Variants in GRHL3 observed in about 807,000 individuals in gnomAD.
GRHL3 encodes the protein grainyhead-like protein 3 homolog.
In GRHL3, 20 loss-of-function variants were observed where a neutral mutation model predicts 70.3. The ratio of observed to expected loss-of-function variants is 0.28; its 90% confidence interval spans 0.20 to 0.41. GRHL3 has a LOEUF of 0.41. Ranked by LOEUF, GRHL3 falls within the 10% of genes least tolerant of loss-of-function variation. The pLI is 1.00. For missense variants in GRHL3, 637 were observed against 762.3 expected (o/e 0.84, Z 1.94); for synonymous variants, 299 against 299.9 (o/e 1.00, Z 0.03).
In GRHL3 at chr1:24,337,793, C is replaced by T. The variant is rs188340638; in HGVS notation, c.840+4C>T. On this transcript the variant is annotated splice_donor_region_variant and intron_variant, in intron 6 of 15. Coordinates refer to ENST00000361548, the MANE Select transcript of GRHL3 (RefSeq NM_198173.3). ...CTTGTCCTCCAACAAAGTCAAGGTGCGTTGGCCTGGAGCAGCTTCAGAAGG... is the reference window on the plus strand; with the variant it reads ...CTTGTCCTCCAACAAAGTCAAGGTGTGTTGGCCTGGAGCAGCTTCAGAAGG... 50 of 1,614,052 alleles carry T rather than the reference C, an allele frequency of 3.1e-5. No homozygotes were observed. The highest frequency in any genetic ancestry group is 2.8e-4 in the African/African-American group (21 of 75,044).
chr1:24,343,132 G>A, intron 11 of GRHL3, 107 bp downstream of exon 11: 1 of 1,300,216 alleles, frequency 7.7e-7, no homozygotes, highest in South Asian at 1.2e-5. Context: ...CCCTCAGCCA[G>A]TTTCAAGACC....
At chr1:24,349,907 A>G (rs1640436988) in intron 14 of GRHL3, 151 bp from the exon 15 acceptor site, 3 of 616,568 alleles carry the variant, frequency 4.9e-6, no homozygotes, top group Non-Finnish European at 8.8e-6. Flanking sequence ...AAACAGGATT[A>G]TAGATGATTG....
rs140704061 is a variant in GRHL3, at chr1:24,351,875, G to A, written c.1694+1753G>A. 5.9e-5 allele frequency among the ~76,000 whole-genome samples: 9 copies of A among 152,286 alleles called. No individual in the cohort carries two copies. The East Asian group carries it at 1.7e-3, about 29-fold the overall frequency. ...CTTTGAGCTGGGTATCATTATCTCT[G>A]TTTGTACGTATGGGGAAACTGAGGT... On this transcript the variant is annotated intron_variant, in intron 15 of 15. Transcript: ENST00000361548.
Position 24,343,344 on chromosome 1 carries a change from G to A in GRHL3, c.1419+319G>A, listed in dbSNP as rs374826382. ...ATGGAATTCTCACGGCAGCACTTGT[G>A]GTGCTCACTGTGTGCCAGGTGCGGC... On this transcript the variant is annotated intron_variant, in intron 11 of 15. Transcript: ENST00000361548. The A allele has an allele frequency of 1.6e-4, 52 of 318,980 alleles. No individual in the cohort carries two copies. The East Asian group carries it at 2.9e-3, about 18-fold the overall frequency. The allele number at this position is 318,980 out of a possible 1,614,324, so 19.8% of individuals were successfully genotyped here. A position where few individuals can be genotyped will look rare whatever the true frequency, so the allele number is the denominator to read the frequency against.
downstream of GRHL3, chr1:24,357,834 G>C (rs188326269): frequency 3.4e-6 from 1 of 298,014 alleles, no homozygotes; most frequent in Admixed American, 4.6e-5. Flanking sequence ...TGTAAGCCTT[G>C]AGAAAATTCA....
In GRHL3 at chr1:24,364,359, A is replaced by G. The variant is rs910262356; in HGVS notation, c.1869A>G (p.Val623=). 14 of 1,542,684 alleles carry G rather than the reference A, an allele frequency of 9.1e-6. 1 individual carries two copies. The highest frequency in any genetic ancestry group is 3.3e-4 in the Middle Eastern group (2 of 5,988). Residue 623 remains valine, a synonymous_variant, in exon 16 of 16, where the codon GTA becomes GTG. Coordinates refer to the GRHL3 transcript ENST00000350501. ...CCGTCAACAGCCTGCACTTCACTGTAAACTCGGAATGACACACCCACCTGG... is the reference window on the plus strand; with the variant it reads ...CCGTCAACAGCCTGCACTTCACTGTGAACTCGGAATGACACACCCACCTGG...
chr1:24,348,446 G>C (rs1444160946), intron 14 of GRHL3, among the ~76,000 whole-genome samples: 1 of 152,132 alleles, frequency 6.6e-6, no homozygotes, highest in Admixed American at 6.5e-5. Flanking sequence ...TTCTCTTTAC[G>C]CACCGTCAGC....
chr1:24,336,418 C>G, intron 3 of GRHL3, 64 bp from the exon 4 acceptor site: 1 of 1,108,218 alleles, frequency 9.0e-7, no homozygotes, highest in Non-Finnish European at 1.3e-6. Flanking sequence ...GCCTTGCACT[C>G]TAGCCAAAGA....
At chr1:24,327,622 G>A (rs539801131) in intron 1 of GRHL3, among the ~76,000 whole-genome samples, 2 of 152,272 alleles carry the variant, frequency 1.3e-5, no homozygotes, top group South Asian at 4.1e-4. Context: ...TTCACTTTCT[G>A]ATAGTTTAGT....
intron 1 of GRHL3, among the ~76,000 whole-genome samples, chr1:24,323,270 T>C (rs1639272433): frequency 6.6e-6 from 1 of 151,996 alleles, no homozygotes; most frequent in African/African-American, 2.4e-5. Flanking sequence ...ATCATCATCA[T>C]CACCTGGGAA....
chr1:24,356,770 C>T (rs552457400), downstream of GRHL3, among the ~76,000 whole-genome samples: 3 of 152,370 alleles, frequency 2.0e-5, no homozygotes, highest in Admixed American at 1.3e-4. Context: ...CGTACCCTCC[C>T]TAACTCCATC....
chr1:24,336,832 G>T lies in GRHL3; in HGVS notation c.612+5G>T. The T allele has an allele frequency of 6.3e-7, 1 of 1,589,928 alleles. No individual in the cohort carries two copies. The highest frequency in any genetic ancestry group is 1.1e-5 in the South Asian group (1 of 87,858). On this transcript the variant is annotated splice_donor_5th_base_variant and intron_variant, in intron 4 of 15. Coordinates refer to ENST00000361548, the MANE Select transcript of GRHL3 (RefSeq NM_198173.3). ...TTCAAAGATGACCCACAGGAGGTGAGGGCGCATCCCCGCTCCCCTATAGCA... is the reference window on the plus strand; with the variant it reads ...TTCAAAGATGACCCACAGGAGGTGATGGCGCATCCCCGCTCCCCTATAGCA...
At chr1:24,363,505 A>T (rs1309087735) in intron 15 of GRHL3, among the ~76,000 whole-genome samples, 1 of 152,192 alleles carries the variant, frequency 6.6e-6, no homozygotes, top group Non-Finnish European at 1.5e-5. Flanking sequence ...TTGAATCCCC[A>T]CTTCCCCGTT....
intron 13 of GRHL3, 97 bp from the exon 14 acceptor site, chr1:24,347,371 A>T: frequency 9.4e-7 from 1 of 1,059,432 alleles, no homozygotes; most frequent in Non-Finnish European, 1.5e-6. Context: ...CCCGCAGCAG[A>T]AGTCAATCTT....
chr1:24,322,296 G>A lies in GRHL3; in HGVS notation c.17+2728G>A, dbSNP rs1477405386. ...GAGACGCGACTCGGTTGGGGGAAGG[G>A]GACTAGAACCGTCGCAGTCCTGACC... On this transcript the variant is annotated intron_variant, in intron 1 of 15. Transcript: ENST00000361548. The surrounding 1 kb of genome is among the most constrained non-coding windows in gnomAD (Gnocchi z 4.4). Among the ~76,000 whole-genome samples the A allele has an allele frequency of 6.6e-6, 1 of 152,138 alleles. No individual in the cohort carries two copies. Among genetic ancestry groups the A allele is most frequent in the Admixed American group, 6.5e-5 (1 of 15,284 alleles).
rs766633283 is a variant in GRHL3, at chr1:24,342,754, C to G, written c.1267C>G (p.Pro423Ala). ...RKQFRRKVKC[P>A]DSSNSGVKGC... ...GCAGTTCCGGAGGAAGGTCAAGTGC[C>G]CTGACTCCAGCAACAGTGGTCAGTG... The change falls in exon 10 of 16, where the codon CCT becomes GCT. Residue 423 changes from proline to alanine, a missense_variant. Pro to Ala is a conservative substitution (Grantham distance 27). Around this residue, in one of 2 missense-constraint regions of GRHL3, gnomAD observed 387 missense variants for 513.8 expected, o/e 0.75. Coordinates refer to ENST00000361548, the MANE Select transcript of GRHL3 (RefSeq NM_198173.3). This position sits in a 1 kb window ranked among gnomAD's most constrained non-coding sequence, Gnocchi z 4.8. The G allele has an allele frequency of 6.2e-7, 1 of 1,614,150 alleles. No homozygotes were observed. The highest frequency in any genetic ancestry group is 8.5e-7 in the Non-Finnish European group (1 of 1,180,004).
intron 4 of GRHL3, 92 bp downstream of exon 4, chr1:24,336,919 C>T (rs1313041500): frequency 7.8e-7 from 1 of 1,288,082 alleles, no homozygotes; most frequent in Middle Eastern, 2.0e-4. Flanking sequence ...GCTTTGGAAT[C>T]CATGGGGGAA....
chr1:24,333,559 C>T (rs1639686942), intron 2 of GRHL3, among the ~76,000 whole-genome samples: 1 of 152,128 alleles, frequency 6.6e-6, no homozygotes, highest in South Asian at 2.1e-4. Flanking sequence ...TCTCCATGTG[C>T]TAGGTGCTAT....
At position 24,321,899 on chromosome 1, in the gene GRHL3, G is replaced by A. The variant is rs868867934; in HGVS notation, c.17+2331G>A. The A allele has an allele frequency of 2.6e-5, 4 of 152,150 alleles. No homozygotes were observed. Among genetic ancestry groups the A allele is most frequent in the Non-Finnish European group, 5.9e-5 (4 of 68,020 alleles). 9.4% of individuals were successfully genotyped at this position (152,150 alleles called of 1,614,324 possible). On this transcript the variant is annotated intron_variant, in intron 1 of 15. Coordinates refer to ENST00000361548, the MANE Select transcript of GRHL3 (RefSeq NM_198173.3). The surrounding 1 kb of genome is among the most constrained non-coding windows in gnomAD (Gnocchi z 4.0). ...GGAGCCCGCAGCCCTGGGCAGCCCC[G>A]GGCTACCGCAGGGCGCAAGGGATCC...
Sources: gnomAD v4.1 joint callset for allele counts (sites outside exome capture counted in the v4.1 genomes callset) on GRCh38, gnomAD v4.1.1 for gene constraint, gnomAD v4.1.1 regional missense constraint, Gnocchi (gnomAD v3.1) non-coding constraint, MANE v1.5 for transcripts, NCBI Gene and HGNC (gene_info 2026-07-23, HGNC 2026-07-21) for gene names.